The following LPIN1 variants were observed in gnomAD, a reference collection of about 807,000 sequenced individuals.
LPIN1 encodes the protein phosphatidate phosphatase LPIN1.
LPIN1 carries 71 observed loss-of-function variants against 107.5 expected under a neutral mutation model. That is an observed-to-expected ratio of 0.66 (90% CI 0.55 to 0.80). The LOEUF (loss-of-function observed/expected upper bound fraction) is 0.80. Ranked by LOEUF, LPIN1 falls within the 30% of genes least tolerant of loss-of-function variation. LPIN1 has a pLI of 0.00. For synonymous variants in LPIN1, 445 were observed against 452.6 expected (o/e 0.98, Z 0.21); for missense variants, 1,043 against 1,160.6 (o/e 0.90, Z 1.47).
At chr2:11,690,072 T>C (rs148758473) in intron 1 of LPIN1, among the ~76,000 whole-genome samples, 2,022 of 152,312 alleles carry the variant, frequency 0.013, 149 homozygotes, top group Admixed American at 0.12. Flanking sequence ...TTTTAGTTTT[T>C]GTTTTAAAGA....
rs763087250 is a variant in LPIN1, at chr2:11,773,764, C to G, written c.722+19C>G. The G allele has an allele frequency of 1.9e-6, 3 of 1,613,782 alleles. No homozygotes were observed. The highest frequency in any genetic ancestry group is 2.5e-6 in the Non-Finnish European group (3 of 1,179,790). The stretch of plus-strand genomic sequence containing the variant: ...CTCCCAGGTAAGCTGTTCCCTGTTC[C>G]CCTGGCCCAGTGCAGAGGCTTAGAA... On this transcript the variant is annotated intron_variant, in intron 5 of 20. Transcript: ENST00000674199.
chr2:11,789,502 G>A (rs553462254), intron 12 of LPIN1, among the ~76,000 whole-genome samples: 117 of 151,432 alleles, frequency 7.7e-4, no homozygotes, highest in African/African-American at 7.5e-4. Flanking sequence ...ACGTGTGTGC[G>A]CGTGTGCATG....
intron 10 of LPIN1, 101 bp downstream of exon 10, chr2:11,785,177 T>C (rs1475625751): frequency 2.1e-5 from 19 of 885,532 alleles, no homozygotes; most frequent in Non-Finnish European, 3.0e-5. Flanking sequence ...GCTTTTCCCT[T>C]GGTTGCGGTT....
chr2:11,732,893 TTC>T (rs541063769), intron 1 of LPIN1, among the ~76,000 whole-genome samples: 14 of 149,168 alleles, frequency 9.4e-5, no homozygotes, highest in East Asian at 2.0e-4. Flanking sequence ...CTCTCTCTCT[TTC>T]TCTCTCTCTC....
intron 5 of LPIN1, among the ~76,000 whole-genome samples, chr2:11,775,278 G>A (rs1672481512): frequency 6.6e-6 from 1 of 152,146 alleles, no homozygotes; most frequent in South Asian, 2.1e-4. Flanking sequence ...ATAAAATAGT[G>A]GAGGGAAAAA....
intron 2 of LPIN1, among the ~76,000 whole-genome samples, chr2:11,717,708 T>C (rs1015640494): frequency 2.0e-5 from 3 of 152,034 alleles, no homozygotes; most frequent in East Asian, 1.9e-4. Flanking sequence ...TTTTTTTTTT[T>C]CTAAGAGCAT....
intron 1 of LPIN1, among the ~76,000 whole-genome samples, chr2:11,751,806 T>A (rs1422740795): frequency 6.6e-6 from 1 of 152,154 alleles, no homozygotes; most frequent in South Asian, 2.1e-4. Flanking sequence ...GAGCCGAGAT[T>A]GCGCCACTGC....
rs530414790 is a variant in LPIN1, at chr2:11,737,737, C to T, written c.-71-3612C>T. 7.2e-5 allele frequency among the ~76,000 whole-genome samples: 11 copies of T among 152,308 alleles called. No individual in the cohort carries two copies. The South Asian group carries it at 2.3e-3, about 32-fold the overall frequency. ...CGATCATCAAAAAGTCAGGAAACAACAGATGCTGGAGAGGATGTGGAGAAA... is the reference window on the plus strand; with the variant it reads ...CGATCATCAAAAAGTCAGGAAACAATAGATGCTGGAGAGGATGTGGAGAAA... On this transcript the variant is annotated intron_variant, in intron 1 of 21. Coordinates refer to the LPIN1 transcript ENST00000396097.
At chr2:11,677,675 T>C (rs1302530662) in exon 1 of LPIN1, 1 of 1,535,706 alleles carries the variant, frequency 6.5e-7, no homozygotes, top group Admixed American at 2.0e-5. Context: ...CATTCGCAGC[T>C]CCAGCTGGGA....
chr2:11,752,703 T>C (rs1466122680), intron 1 of LPIN1, among the ~76,000 whole-genome samples: 1 of 151,988 alleles, frequency 6.6e-6, no homozygotes, highest in Admixed American at 6.6e-5. Context: ...AGTGCTGGGA[T>C]TACAGGCGTG....
At chr2:11,755,756 CT>C (rs1668581440) in intron 1 of LPIN1, among the ~76,000 whole-genome samples, 1 of 150,408 alleles carries the variant, frequency 6.6e-6, no homozygotes, top group African/African-American at 2.5e-5. Flanking sequence ...GAGTCTCGCT[CT>C]GTCGCCCAAG....
intron 1 of LPIN1, among the ~76,000 whole-genome samples, chr2:11,728,163 GT>G (rs1664845330): frequency 6.6e-6 from 1 of 152,134 alleles, no homozygotes; most frequent in African/African-American, 2.4e-5. Context: ...TTATATAACA[GT>G]AATATTCTTC....
Position 11,803,090 on chromosome 2 carries a change from T to G in LPIN1, c.2013+57T>G, listed in dbSNP as rs1678066209. 2.5e-6 allele frequency: 4 copies of G among 1,608,000 alleles called. No homozygotes were observed. In the Admixed American group the frequency reaches 5.0e-5, roughly 20 times the overall value. On this transcript the variant is annotated intron_variant, in intron 15 of 20. Coordinates refer to ENST00000674199, the MANE Select transcript of LPIN1 (RefSeq NM_001349206.2). The surrounding 1 kb of genome is among the most constrained non-coding windows in gnomAD (Gnocchi z 4.2). ...GTGAGCACATGAGGTTTCTGCAGAC[T>G]CCTAAGGCTGTGTGATGGTTGGGAT...
rs901835887 is a variant in LPIN1 at position 11,784,792 on chromosome 2, G to C, written c.1359-94G>C. On this transcript the variant is annotated intron_variant, in intron 9 of 20. Transcript: ENST00000674199. Reference sequence around the variant, plus strand: ...GAGATGCAGCCGTCTGCGGCTCTGAGGGTGGCCGCGTGCCAGAGCATCACT... The same window carrying C: ...GAGATGCAGCCGTCTGCGGCTCTGACGGTGGCCGCGTGCCAGAGCATCACT... 3.5e-6 allele frequency: 4 copies of C among 1,158,766 alleles called. No homozygotes were observed. The East Asian group carries it at 7.0e-5, about 20-fold the overall frequency. The allele number at this position is 1,158,766 out of a possible 1,614,324, so 71.8% of individuals were successfully genotyped here.
chr2:11,718,911 G>A (rs758189499), intron 2 of LPIN1, among the ~76,000 whole-genome samples: 7 of 152,204 alleles, frequency 4.6e-5, no homozygotes, highest in Non-Finnish European at 1.0e-4. Flanking sequence ...CAAGCAAAGG[G>A]TGGTGGCTAA....
intron 14 of LPIN1, among the ~76,000 whole-genome samples, chr2:11,802,121 AGGCATT>A (rs1169413959): frequency 6.6e-6 from 1 of 152,162 alleles, no homozygotes; most frequent in African/African-American, 2.4e-5. Context: ...TATAGCATTG[AGGCATT>A]TTCAAAGATA....
At chr2:11,685,455 T>TG (rs1285768431) in intron 1 of LPIN1, among the ~76,000 whole-genome samples, 1 of 152,132 alleles carries the variant, frequency 6.6e-6, no homozygotes, top group Non-Finnish European at 1.5e-5. Flanking sequence ...TGGGAGGGGA[T>TG]GGTGGTTTGA....
intron 15 of LPIN1, among the ~76,000 whole-genome samples, chr2:11,804,010 A>C (rs1055611868): frequency 1.3e-5 from 2 of 152,284 alleles, no homozygotes; most frequent in Admixed American, 6.5e-5. Flanking sequence ...ACTTGGCTTA[A>C]ATTTGTCTCC....
At chr2:11,798,351 G>T (rs910614648) in intron 14 of LPIN1, among the ~76,000 whole-genome samples, 5 of 152,150 alleles carry the variant, frequency 3.3e-5, no homozygotes, top group Non-Finnish European at 7.4e-5. Context: ...GGAGGGGCCC[G>T]TACACAGTGG....
Sources: gnomAD v4.1 joint callset for allele counts (sites outside exome capture counted in the v4.1 genomes callset) on GRCh38, gnomAD v4.1.1 for gene constraint, Gnocchi (gnomAD v3.1) non-coding constraint, MANE v1.5 for transcripts, NCBI Gene and HGNC (gene_info 2026-07-23, HGNC 2026-07-21) for gene names.